PCLO: variants seen among roughly 807,000 people sequenced by gnomAD.
PCLO encodes protein piccolo.
PCLO carries 82 observed loss-of-function variants against 427.5 expected under a neutral mutation model. That is an observed-to-expected ratio of 0.19 (90% CI 0.16 to 0.23). PCLO has a LOEUF of 0.23. PCLO is among the 10% of genes least tolerant of loss of function. The pLI is 1.00. For synonymous variants in PCLO, 2,357 were observed against 2,155.4 expected, an observed-to-expected ratio of 1.09 and a Z score of -2.59; for missense variants, 6,239 against 6,115.9, an observed-to-expected ratio of 1.02 and a Z score of -0.67.
chr7:82,947,874 A>G (rs1298692538), intron 6 of PCLO, among the ~76,000 whole-genome samples: 2 of 152,164 alleles, frequency 1.3e-5, no homozygotes, highest in African/African-American at 4.8e-5. Flanking sequence ...TTGTGAGGAA[A>G]AAAATATTGA....
At chr7:83,066,534 A>G (rs1789674348) in intron 3 of PCLO, among the ~76,000 whole-genome samples, 1 of 152,066 alleles carries the variant, frequency 6.6e-6, no homozygotes, top group African/African-American at 2.4e-5. Flanking sequence ...GTATTTTCAC[A>G]CTCAATTTTA....
intron 10 of PCLO, among the ~76,000 whole-genome samples, chr7:82,873,706 A>G (rs1236867248): frequency 6.6e-6 from 1 of 152,142 alleles, no homozygotes; most frequent in African/African-American, 2.4e-5. Flanking sequence ...ACCCTTGCTC[A>G]ACCACAGAAT....
chr7:83,094,505 C>A (rs570162054), intron 3 of PCLO, among the ~76,000 whole-genome samples: 2 of 152,238 alleles, frequency 1.3e-5, no homozygotes, highest in South Asian at 4.1e-4. Flanking sequence ...CTGTGTCTGG[C>A]CTAGGGAATG....
At chr7:83,107,394 CA>C in intron 3 of PCLO, among the ~76,000 whole-genome samples, 1 of 152,152 alleles carries the variant, frequency 6.6e-6, no homozygotes, top group South Asian at 2.1e-4. Flanking sequence ...CATCATTTGT[CA>C]AATGTACAAA....
intron 14 of PCLO, among the ~76,000 whole-genome samples, chr7:82,840,753 C>G (rs1319041387): frequency 1.3e-5 from 2 of 151,958 alleles, no homozygotes. Flanking sequence ...GACTCTCTTT[C>G]ATCTGAAACA....
intron 3 of PCLO, among the ~76,000 whole-genome samples, chr7:83,030,282 C>A (rs1435497485): frequency 6.6e-6 from 1 of 152,030 alleles, no homozygotes; most frequent in Non-Finnish European, 1.5e-5. Context: ...AATAATTAAT[C>A]TTGTCTCAAT....
intron 3 of PCLO, among the ~76,000 whole-genome samples, chr7:83,095,926 G>A (rs1056020844): frequency 8.5e-5 from 13 of 152,062 alleles, no homozygotes; most frequent in South Asian, 2.1e-4. Flanking sequence ...TTTTATAAAC[G>A]TCTATTAGAT....
intron 3 of PCLO, among the ~76,000 whole-genome samples, chr7:83,013,279 T>G (rs934983363): frequency 6.6e-6 from 1 of 152,322 alleles, no homozygotes; most frequent in African/African-American, 2.4e-5. Context: ...TGGCAAAATA[T>G]ATGTAAAGTA....
chr7:83,092,039 C>T (rs66819136), intron 3 of PCLO, among the ~76,000 whole-genome samples: 66,871 of 151,836 alleles, frequency 0.44, 15,118 homozygotes, highest in East Asian at 0.7. Flanking sequence ...AACATGAATA[C>T]TGAATTTTAC....
chr7:82,954,763 C>A lies in PCLO; in HGVS notation c.6190G>T (p.Ala2064Ser). 6.2e-7 allele frequency: 1 copy of A among 1,613,804 alleles called. No homozygotes were observed. The highest frequency in any genetic ancestry group is 8.5e-7 in the Non-Finnish European group (1 of 1,179,812). ...TGCCTCTTCATAAGTTCTTCATAGG[C>A]AGCATCAGCATCTAGTAGTTTCCTT... is the stretch of plus-strand genomic sequence containing the variant. Reference protein sequence around the residue: ...EERKLLDADAAYEELMKRQQM... With the variant: ...EERKLLDADASYEELMKRQQM... The change falls in exon 5 of 25, where the codon GCC (alanine) becomes TCC (serine). Residue 2064 changes from alanine to serine, a missense_variant. Transcript: ENST00000333891.
At chr7:82,935,194 T>TAAAA (rs528188502) in intron 6 of PCLO, among the ~76,000 whole-genome samples, 3 of 84,216 alleles carry the variant, frequency 3.6e-5, no homozygotes, top group East Asian at 3.8e-4. Flanking sequence ...CCTGGTATAC[T>TAAAA]AAAAAAAAAA....
chr7:83,149,262 T>C (rs894330106), intron 2 of PCLO, among the ~76,000 whole-genome samples: 1 of 152,168 alleles, frequency 6.6e-6, no homozygotes, highest in Non-Finnish European at 1.5e-5. Context: ...CTACTGCTTT[T>C]TATATTTTTT....
chr7:82,903,568 T>C (rs62461412), intron 8 of PCLO, among the ~76,000 whole-genome samples: 6 of 151,992 alleles, frequency 3.9e-5, no homozygotes, highest in South Asian at 2.1e-4. Context: ...TGCAAACTTG[T>C]GCTTTATATT....
At chr7:83,082,898 A>G (rs1188822764) in intron 3 of PCLO, among the ~76,000 whole-genome samples, 1 of 151,818 alleles carries the variant, frequency 6.6e-6, no homozygotes, top group African/African-American at 2.4e-5. Context: ...TAAAACTACA[A>G]TTAAAAAAAC....
At chr7:83,017,381 A>G (rs1788234103) in intron 3 of PCLO, among the ~76,000 whole-genome samples, 1 of 152,078 alleles carries the variant, frequency 6.6e-6, no homozygotes, top group Admixed American at 6.6e-5. Context: ...AGAAAGAAAA[A>G]TGGAAATGGA....
At chr7:82,808,490 T>C (rs957891056) in intron 20 of PCLO, among the ~76,000 whole-genome samples, 2 of 151,862 alleles carry the variant, frequency 1.3e-5, no homozygotes, top group South Asian at 2.1e-4. Context: ...AAGCTAGAAA[T>C]AAATTTAAGA....
intron 22 of PCLO, among the ~76,000 whole-genome samples, chr7:82,801,204 A>ATATTTTTTTTTTTTTTTTTTT (rs1791341185): frequency 1.4e-5 from 2 of 143,780 alleles, no homozygotes; most frequent in Middle Eastern, 3.4e-3. Context: ...TATATGTTAT[A>ATATTTTTTTTTTTTTTTTTTT]TTTTTAAGTT....
intron 20 of PCLO, among the ~76,000 whole-genome samples, chr7:82,811,600 A>T (rs1791573057): frequency 6.6e-6 from 1 of 151,562 alleles, no homozygotes; most frequent in Non-Finnish European, 1.5e-5. Flanking sequence ...ATTACAGTTC[A>T]GGGGTTCTAG....
chr7:82,761,272 C>A, intron 23 of PCLO, 87 bp downstream of exon 23: 2 of 735,622 alleles, frequency 2.7e-6, no homozygotes, highest in South Asian at 4.3e-5. Context: ...GTGTACAGTT[C>A]AAATTTTAGT....
Sources: gnomAD v4.1 joint callset for allele counts (sites outside exome capture counted in the v4.1 genomes callset) on GRCh38, gnomAD v4.1.1 for gene constraint, MANE v1.5 for transcripts, NCBI Gene and HGNC (gene_info 2026-07-23, HGNC 2026-07-21) for gene names.